DNAH5: variants seen among roughly 807,000 people sequenced by gnomAD.
The protein encoded by DNAH5 is axonemal beta dynein heavy chain 5.
A neutral mutation model predicts 518.2 loss-of-function variants in DNAH5; 372 were observed. That is an observed-to-expected ratio of 0.72 (90% CI 0.66 to 0.78). DNAH5 has a LOEUF of 0.78. DNAH5 is among the 30% of genes least tolerant of loss of function. The pLI is 0.00. For synonymous variants in DNAH5, 2,039 were observed against 2,025.9 expected (o/e 1.01, Z -0.17); for missense variants, 5,523 against 5,687.0 (o/e 0.97, Z 0.93).
intron 11 of DNAH5, among the ~76,000 whole-genome samples, chr5:13,912,217 A>G (rs1025449056): frequency 1.3e-5 from 2 of 152,172 alleles, no homozygotes; most frequent in Non-Finnish European, 2.9e-5. Context: ...ACAGAAGCAT[A>G]TAATTTTTAT....
chr5:13,919,055 T>C, intron 7 of DNAH5, 121 bp downstream of exon 7: 3 of 1,260,088 alleles, frequency 2.4e-6, no homozygotes, highest in Non-Finnish European at 3.4e-6. Flanking sequence ...ATTATGTAAT[T>C]TTAAATGTTT....
chr5:13,961,107 G>A lies in DNAH5; in HGVS notation c.13-29863C>T, dbSNP rs1781145369. 2.6e-5 allele frequency among the ~76,000 whole-genome samples: 4 copies of A among 152,320 alleles called. No individual in the cohort carries two copies. The South Asian group carries it at 8.3e-4, about 32-fold the overall frequency. On this transcript the variant is annotated intron_variant, in intron 1 of 78. Transcript: ENST00000681290. Reference sequence around the variant, plus strand: ...TGAGTCAGGAAAGGCAGGTAAGGAAGAAGCTTCTTTGCTGAATAAGTTTTT... The same window carrying A: ...TGAGTCAGGAAAGGCAGGTAAGGAAAAAGCTTCTTTGCTGAATAAGTTTTT...
At position 13,692,063 on chromosome 5, in the gene DNAH5, G is replaced by A. The variant is rs1740764170; in HGVS notation, c.13796C>T (p.Ala4599Val). The A allele has an allele frequency of 1.9e-6, 3 of 1,614,088 alleles. No homozygotes were observed. The highest frequency in any genetic ancestry group is 1.7e-6 in the Non-Finnish European group (2 of 1,179,982). ...KPVRTDLNYIAAVDLRTAQTP... is the reference protein window; with the variant it reads ...KPVRTDLNYIVAVDLRTAQTP... ...CTGGGCTGTCCTGAGATCCACAGCG[G>A]CAATGTAGTTCAAGTCCGTTCGAAC... The change falls in exon 79 of 79, where the codon GCC becomes GTC. Residue 4599 changes from alanine to valine, a missense_variant. Transcript: ENST00000265104.
At chr5:14,005,104 T>G (rs450250) in intron 1 of DNAH5, among the ~76,000 whole-genome samples, 4 of 151,840 alleles carry the variant, frequency 2.6e-5, no homozygotes, top group African/African-American at 9.7e-5. Context: ...CACTCTCCCC[T>G]GCCCCAGCTG....
chr5:13,713,434 CATATATATATATATATATAT>C (rs200836910), intron 75 of DNAH5, among the ~76,000 whole-genome samples: 14 of 70,658 alleles, frequency 2.0e-4, no homozygotes, highest in African/African-American at 5.3e-4. Context: ...TATACATCGA[CATATATATATATATATATAT>C]ATATATATAT....
At chr5:13,718,559 C>T (rs1216613050) in intron 72 of DNAH5, among the ~76,000 whole-genome samples, 1 of 152,190 alleles carries the variant, frequency 6.6e-6, no homozygotes, top group Non-Finnish European at 1.5e-5. Flanking sequence ...GAAGAGACTA[C>T]TGTACTACTT....
chr5:13,921,994 G>T, intron 5 of DNAH5, 113 bp downstream of exon 5: 1 of 1,174,750 alleles, frequency 8.5e-7, no homozygotes, highest in Non-Finnish European at 1.2e-6. Flanking sequence ...AAAAATTTTT[G>T]AAGAACTGAA....
intron 1 of DNAH5, among the ~76,000 whole-genome samples, chr5:13,963,121 T>C (rs560469388): frequency 3.9e-5 from 6 of 152,094 alleles, no homozygotes; most frequent in African/African-American, 1.4e-4. Context: ...TGAGACAAAG[T>C]AACAATCATA....
Position 13,975,178 on chromosome 5 carries a change from A to G in DNAH5, c.12+36470T>C, listed in dbSNP as rs1029314263. ...CAGTTCCAGTGGCTGGGGAGCCCTC[A>G]CAATTATGGCAGAAGGAGAAAGGAA... is the stretch of plus-strand genomic sequence containing the variant. On this transcript the variant is annotated intron_variant, in intron 1 of 78. Coordinates refer to the DNAH5 transcript ENST00000681290. Among the ~76,000 whole-genome samples the G allele has an allele frequency of 7.9e-5, 12 of 152,328 alleles. No individual in the cohort carries two copies. In the East Asian group the frequency reaches 2.3e-3, roughly 29 times the overall value.
Position 13,842,423 on chromosome 5 carries a change from AAAAGAAAGAAAGAAAGAAAGAAAG to A in DNAH5, c.5272-543_5272-520del, listed in dbSNP as rs77171541. ...AACAGAGCGAGAAAGAAAAGAAAAG[AAAAGAAAGAAAGAAAGAAAGAAAG>A]AAAGAAAGAAAGAAAGAAAGAAAGA... On this transcript the variant is annotated intron_variant, in intron 32 of 78. Coordinates refer to ENST00000265104, the MANE Select transcript of DNAH5 (RefSeq NM_001369.3). Among the ~76,000 whole-genome samples the A allele has an allele frequency of 6.8e-4, 52 of 75,960 alleles. 1 individual carries two copies. The highest frequency in any genetic ancestry group is 2.1e-3 in the East Asian group (4 of 1,900). The allele number at this position is 75,960 out of a possible 152,430, so 49.8% of individuals were successfully genotyped here. A position where few individuals can be genotyped will look rare whatever the true frequency, so the allele number is the denominator to read the frequency against.
chr5:13,957,155 T>C (rs1780815162), intron 1 of DNAH5, among the ~76,000 whole-genome samples: 1 of 152,228 alleles, frequency 6.6e-6, no homozygotes, highest in South Asian at 2.1e-4. Context: ...AGATACTGCA[T>C]GTTGAATTCT....
chr5:13,762,637 G>A, intron 60 of DNAH5, 85 bp downstream of exon 60: 1 of 1,235,004 alleles, frequency 8.1e-7, no homozygotes. Context: ...GAAGCCACAG[G>A]CACATGTGCT....
intron 35 of DNAH5, among the ~76,000 whole-genome samples, chr5:13,837,692 C>CTTT (rs534618242): frequency 1.3e-4 from 12 of 95,138 alleles, no homozygotes; most frequent in South Asian, 3.6e-4. Context: ...GGGAACTCCA[C>CTTT]TTTTTTTTTT....
chr5:13,840,815 G>T, intron 34 of DNAH5, 91 bp downstream of exon 34: 1 of 1,063,054 alleles, frequency 9.4e-7, no homozygotes, highest in Admixed American at 2.0e-5. Context: ...TTTTTTCCTT[G>T]AATTCAATCA....
intron 1 of DNAH5, among the ~76,000 whole-genome samples, chr5:14,001,670 T>C (rs1332940092): frequency 1.3e-5 from 2 of 149,860 alleles, no homozygotes; most frequent in African/African-American, 4.9e-5. Context: ...GCCTAGTTTT[T>C]TTCTTTTCTT....
chr5:13,938,280 G>T (rs535769801), intron 1 of DNAH5, among the ~76,000 whole-genome samples: 2 of 152,180 alleles, frequency 1.3e-5, no homozygotes, highest in East Asian at 3.9e-4. Flanking sequence ...ATGGTCAGTA[G>T]CAGTCAAACA....
At chr5:13,916,213 T>C (rs1353800085) in intron 9 of DNAH5, 135 bp downstream of exon 9, 2 of 388,504 alleles carry the variant, frequency 5.1e-6, no homozygotes, top group Non-Finnish European at 9.6e-6. Context: ...CTATCTCTAT[T>C]GATAGCCTAA....
intron 1 of DNAH5, among the ~76,000 whole-genome samples, chr5:13,986,836 T>G (rs1005752508): frequency 1.3e-5 from 2 of 152,228 alleles, no homozygotes; most frequent in African/African-American, 4.8e-5. Context: ...CCATAATCGA[T>G]ATTTACTTCG....
At chr5:13,804,257 G>C (rs1759223845) in intron 47 of DNAH5, among the ~76,000 whole-genome samples, 1 of 152,190 alleles carries the variant, frequency 6.6e-6, no homozygotes. Flanking sequence ...AAAGTAACCT[G>C]GATTGTCCGA....
Sources: allele counts gnomAD v4.1 joint callset (sites outside exome capture counted in the v4.1 genomes callset), GRCh38; gene constraint gnomAD v4.1.1; transcripts MANE v1.5; gene names NCBI Gene and HGNC (gene_info 2026-07-23, HGNC 2026-07-21).